Variants in SNX29 observed in about 807,000 individuals in gnomAD.
SNX29 encodes sorting nexin-29.
A neutral mutation model predicts 102.1 loss-of-function variants in SNX29; 78 were observed. The ratio of observed to expected loss-of-function variants is 0.76; its 90% CI spans 0.64 to 0.92. The LOEUF (loss-of-function observed/expected upper bound fraction) is 0.92. Among genes scored for constraint, SNX29 ranks in the 40% least tolerant of loss-of-function variants. The probability of loss-of-function intolerance (pLI) is 0.00; values close to 1 mark genes in which losing one functional copy is unlikely to be tolerated. For missense variants in SNX29, 1,280 were observed against 1,061.7 expected (o/e 1.21, Z -2.86); for synonymous variants, 580 against 414.5 (o/e 1.40, Z -4.85).
At chr16:12,280,932 G>C (rs974466062) in intron 15 of SNX29, among the ~76,000 whole-genome samples, 1 of 152,220 alleles carries the variant, frequency 6.6e-6, no homozygotes. Flanking sequence ...TATGGAGACA[G>C]GGTCTCAGTC....
intron 14 of SNX29, among the ~76,000 whole-genome samples, chr16:12,250,809 C>CA (rs2078398694): frequency 6.9e-6 from 1 of 144,636 alleles, no homozygotes; most frequent in Admixed American, 6.9e-5. Flanking sequence ...TGCAGAAAGA[C>CA]AAACGGGTTT....
chr16:12,548,027 A>G (rs905529047), intron 20 of SNX29, among the ~76,000 whole-genome samples: 6 of 152,108 alleles, frequency 3.9e-5, no homozygotes, highest in African/African-American at 9.7e-5. Context: ...TGCACTGCTC[A>G]TATTGGTAAG....
At chr16:12,027,558 G>A (rs945737707) in intron 4 of SNX29, 114 bp downstream of exon 4, 1 of 1,280,800 alleles carries the variant, frequency 7.8e-7, no homozygotes, top group African/African-American at 1.5e-5. Flanking sequence ...TTGGTGGGGT[G>A]GTGTATGGGC....
chr16:12,516,549 TA>T (rs1405441151), intron 19 of SNX29, among the ~76,000 whole-genome samples: 1 of 151,574 alleles, frequency 6.6e-6, no homozygotes, highest in Non-Finnish European at 1.5e-5. Flanking sequence ...CTGGAGTCCT[TA>T]GTAGTCTAGT....
intron 15 of SNX29, among the ~76,000 whole-genome samples, chr16:12,333,329 A>G (rs951159976): frequency 3.3e-5 from 5 of 150,964 alleles, no homozygotes; most frequent in African/African-American, 4.9e-5. Flanking sequence ...CTCGTCTTGA[A>G]CTCCTGACCT....
At chr16:12,233,126 CCTCCCCCTATTCTTCCTCCTCCTCCTT>C (rs2077820432) in intron 14 of SNX29, among the ~76,000 whole-genome samples, 1 of 152,092 alleles carries the variant, frequency 6.6e-6, no homozygotes, top group African/African-American at 2.4e-5. Context: ...TCCTCCTCCT[CCTCCCCCTATTCTTCCTCCTCCTCCTT>C]CCTCCCTCCT....
At chr16:12,347,876 A>C (rs1176868796) in intron 15 of SNX29, among the ~76,000 whole-genome samples, 3 of 151,262 alleles carry the variant, frequency 2.0e-5, no homozygotes, top group African/African-American at 4.9e-5. Context: ...CCAGGAGTTC[A>C]AGACCAGCCT....
chr16:12,275,756 A>G lies in SNX29; in HGVS notation c.1679-2177A>G, dbSNP rs1417469278. Among the ~76,000 whole-genome samples, 8 of 149,694 alleles carry G rather than the reference A, an allele frequency of 5.3e-5. No homozygotes were observed. The East Asian group carries it at 1.6e-3, about 29-fold the overall frequency. On this transcript the variant is annotated intron_variant, in intron 14 of 20. Transcript: ENST00000566228. Reference sequence around the variant, plus strand: ...TTTTTTGCTTTTATTGTTATTTTTGACACATAATAAATTGTGCATATGTAT... The same window carrying G: ...TTTTTTGCTTTTATTGTTATTTTTGGCACATAATAAATTGTGCATATGTAT...
At chr16:12,522,879 T>A (rs1447051613) in intron 19 of SNX29, among the ~76,000 whole-genome samples, 1 of 152,216 alleles carries the variant, frequency 6.6e-6, no homozygotes, top group Non-Finnish European at 1.5e-5. Flanking sequence ...GGTGTGATCA[T>A]AGTGCACCGT....
intron 18 of SNX29, among the ~76,000 whole-genome samples, chr16:12,458,309 CG>C (rs1190768852): frequency 6.6e-6 from 1 of 151,986 alleles, no homozygotes; most frequent in Non-Finnish European, 1.5e-5. Context: ...TGCATTTCGG[CG>C]GGGGACAGGT....
chr16:12,342,596 G>C (rs1212992019), intron 15 of SNX29, among the ~76,000 whole-genome samples: 2 of 152,214 alleles, frequency 1.3e-5, no homozygotes, highest in East Asian at 3.8e-4. Flanking sequence ...GTAAGAATCA[G>C]AATCTTGTGT....
intron 20 of SNX29, chr16:12,556,212 C>T (rs544250417): frequency 6.6e-6 from 1 of 152,158 alleles, no homozygotes; most frequent in Non-Finnish European, 1.5e-5. Flanking sequence ...AACCTAGGGT[C>T]TTCCAATTGT....
intron 14 of SNX29, among the ~76,000 whole-genome samples, chr16:12,219,176 T>C (rs1043247750): frequency 1.3e-5 from 2 of 152,156 alleles, no homozygotes; most frequent in African/African-American, 4.8e-5. Flanking sequence ...CTGTTGCTGA[T>C]TCAAAGCGTG....
chr16:12,552,584 G>A (rs1056642754), intron 20 of SNX29, among the ~76,000 whole-genome samples: 2 of 151,104 alleles, frequency 1.3e-5, no homozygotes, highest in Admixed American at 6.7e-5. Flanking sequence ...TGCCCTCATG[G>A]AGTTTATATT....
intron 7 of SNX29, 42 bp from the exon 8 acceptor site, chr16:12,051,805 C>A: frequency 6.3e-7 from 1 of 1,587,284 alleles, no homozygotes; most frequent in South Asian, 1.2e-5. Flanking sequence ...TTTGTCTTGC[C>A]TCCTTTTTCT....
intron 19 of SNX29, among the ~76,000 whole-genome samples, chr16:12,510,577 G>T (rs1301992019): frequency 6.6e-6 from 1 of 152,080 alleles, no homozygotes; most frequent in East Asian, 1.9e-4. Context: ...GGAGGTTGAG[G>T]CAGGAGAATC....
chr16:12,038,429 A>G (rs1002276537), intron 4 of SNX29, among the ~76,000 whole-genome samples: 1 of 152,124 alleles, frequency 6.6e-6, no homozygotes, highest in Non-Finnish European at 1.5e-5. Context: ...CCTTCCTGGC[A>G]CTTGTTCTTG....
At chr16:12,035,824 C>G (rs2057457489) in intron 4 of SNX29, among the ~76,000 whole-genome samples, 1 of 152,146 alleles carries the variant, frequency 6.6e-6, no homozygotes, top group African/African-American at 2.4e-5. Flanking sequence ...TTTGCTTTCT[C>G]TGCTCCCTTG....
At chr16:12,352,938 G>T (rs922654403) in intron 15 of SNX29, among the ~76,000 whole-genome samples, 1 of 152,204 alleles carries the variant, frequency 6.6e-6, no homozygotes, top group African/African-American at 2.4e-5. Context: ...TCAAACTGAT[G>T]ATGTCAGGAC....
Sources: allele counts gnomAD v4.1 joint callset (sites outside exome capture counted in the v4.1 genomes callset), GRCh38; gene constraint gnomAD v4.1.1; transcripts MANE v1.5; gene names NCBI Gene and HGNC (gene_info 2026-07-23, HGNC 2026-07-21).